PDE4C: variants seen among roughly 807,000 people sequenced by gnomAD.
PDE4C encodes the protein 3',5'-cyclic-AMP phosphodiesterase 4C.
PDE4C carries 50 observed loss-of-function variants against 63.9 expected under a neutral mutation model. The observed-to-expected ratio is 0.78, with a 90% confidence interval of 0.62 to 0.99. The LOEUF is 0.99. Ranked by LOEUF, PDE4C falls within the 50% of genes least tolerant of loss-of-function variation. The pLI, the probability that PDE4C is intolerant of heterozygous loss-of-function variation, is 0.00. For synonymous variants in PDE4C, 377 were observed against 385.1 expected (o/e 0.98, Z 0.25); for missense variants, 777 against 899.1 (o/e 0.86, Z 1.74).
upstream of PDE4C, chr19:18,249,835 A>C: frequency 3.4e-6 from 1 of 298,488 alleles, no homozygotes; most frequent in East Asian, 5.5e-5. Flanking sequence ...GGCCTCCCAA[A>C]GTGCTGGGAT....
At chr19:18,250,460 G>A (rs542054082), upstream of PDE4C, 2 of 399,100 alleles carry the variant, frequency 5.0e-6, no homozygotes, top group South Asian at 2.5e-4. Context: ...ACGGGGCCCA[G>A]TGTCACCTGG....
At chr19:18,245,100 G>A (rs929348193) in intron 1 of PDE4C, among the ~76,000 whole-genome samples, 3 of 152,076 alleles carry the variant, frequency 2.0e-5, no homozygotes, top group Non-Finnish European at 2.9e-5. Context: ...CTCCCAAAGT[G>A]CTGGGATTAC....
upstream of PDE4C, among the ~76,000 whole-genome samples, chr19:18,226,805 T>C (rs933879281): frequency 9.2e-5 from 14 of 151,762 alleles, no homozygotes; most frequent in African/African-American, 3.4e-4. Context: ...GGTGTCTCTT[T>C]ATGTTGCCCA....
upstream of PDE4C, among the ~76,000 whole-genome samples, chr19:18,234,499 A>G (rs1046528689): frequency 6.6e-6 from 1 of 152,162 alleles, no homozygotes. Context: ...ATCATGGTTA[A>G]CTGAAGTAGG....
intron 13 of PDE4C, 44 bp downstream of exon 13, chr19:18,213,324 C>G (rs1447484024): frequency 6.6e-7 from 1 of 1,524,976 alleles, no homozygotes; most frequent in Admixed American, 2.2e-5. Context: ...TAAAGTAAAA[C>G]CAAAATTTAA....
intron 1 of PDE4C, among the ~76,000 whole-genome samples, chr19:18,242,922 G>C (rs1969069014): frequency 6.6e-6 from 1 of 152,136 alleles, no homozygotes; most frequent in Admixed American, 6.6e-5. Flanking sequence ...TCTACTTGGG[G>C]ATCACAGGAA....
Position 18,221,049 on chromosome 19 carries a change from T to TCCGCAAGGCCCCGCCCCACC in PDE4C, c.449+55_449+56insGGTGGGGCGGGGCCTTGCGG, listed in dbSNP as rs1555824198. The TCCGCAAGGCCCCGCCCCACC allele has an allele frequency of 4.9e-5, 61 of 1,241,120 alleles. No homozygotes were observed. In the African/African-American group the frequency reaches 7.5e-4, roughly 15 times the overall value. The allele number at this position is 1,241,120 out of a possible 1,614,324, so 76.9% of individuals were successfully genotyped here. ...CCCAGCCTCAATTTGCAGCCCGCTTTCCGCCCACCTTGTCTCTGCCGGCCC... is the reference window on the plus strand; with the variant it reads ...CCCAGCCTCAATTTGCAGCCCGCTTTCCGCAAGGCCCCGCCCCACCCCGCCCACCTTGTCTCTGCCGGCCC... On this transcript the variant is annotated intron_variant, in intron 4 of 14. Transcript: ENST00000262805.
At chr19:18,222,347 A>G in intron 1 of PDE4C, 24 bp from the exon 2 acceptor site, 1 of 1,597,032 alleles carries the variant, frequency 6.3e-7, no homozygotes, top group Non-Finnish European at 8.5e-7. Flanking sequence ...CGGCATGGTC[A>G]GAGACGAGGG....
chr19:18,253,641 A>G, the PDE4C span, among the ~76,000 whole-genome samples: 1 of 152,180 alleles, frequency 6.6e-6, no homozygotes, highest in Non-Finnish European at 1.5e-5. Context: ...ATGAGCTCAG[A>G]GAGGATCAGC....
At chr19:18,237,434 C>G (rs961222552), upstream of PDE4C, among the ~76,000 whole-genome samples, 1 of 152,110 alleles carries the variant, frequency 6.6e-6, no homozygotes, top group Non-Finnish European at 1.5e-5. Flanking sequence ...GCCTGTAATT[C>G]CAGCTACTCG....
intron 12 of PDE4C, among the ~76,000 whole-genome samples, chr19:18,215,381 G>A (rs7245576): frequency 2.0e-5 from 3 of 151,750 alleles, no homozygotes; most frequent in East Asian, 1.9e-4. Context: ...CATAACGGCC[G>A]GAACTGTCTT....
chr19:18,253,759 C>T, the PDE4C span, among the ~76,000 whole-genome samples: 3 of 152,204 alleles, frequency 2.0e-5, no homozygotes, highest in Non-Finnish European at 4.4e-5. Flanking sequence ...CGTGTTGGTC[C>T]AGCTACTTCC....
At chr19:18,236,004 G>A (rs2081825627), upstream of PDE4C, among the ~76,000 whole-genome samples, 2 of 151,778 alleles carry the variant, frequency 1.3e-5, no homozygotes, top group Non-Finnish European at 2.9e-5. Context: ...GTGCAGTGGT[G>A]TGATCTCAGC....
chr19:18,213,609 C>T, intron 12 of PDE4C, 119 bp from the exon 13 acceptor site: 1 of 1,113,414 alleles, frequency 9.0e-7, no homozygotes, highest in South Asian at 1.7e-5. Context: ...GCATACTCAT[C>T]TGTGAAATGG....
At chr19:18,235,009 A>C (rs1054333436), upstream of PDE4C, among the ~76,000 whole-genome samples, 1 of 152,014 alleles carries the variant, frequency 6.6e-6, no homozygotes, top group Non-Finnish European at 1.5e-5. Context: ...TCTTTTTTTA[A>C]AATATTCTGG....
exon 9 of PDE4C, chr19:18,218,941 T>A: frequency 6.2e-7 from 1 of 1,611,460 alleles, no homozygotes; most frequent in Non-Finnish European, 8.5e-7. Context: ...GGTAGGTACC[T>A]GAAAAATGCT....
upstream of PDE4C, chr19:18,250,602 C>T (rs1240070651): frequency 2.5e-6 from 1 of 396,084 alleles, no homozygotes; most frequent in East Asian, 3.6e-5. Context: ...GTTGAGGCTG[C>T]CACTTTTTAA....
chr19:18,241,524 C>T (rs1298033040), intron 1 of PDE4C, among the ~76,000 whole-genome samples: 3 of 152,076 alleles, frequency 2.0e-5, no homozygotes, highest in South Asian at 4.2e-4. Context: ...GCCTCGGCCT[C>T]CCAAAGTGCT....
At chr19:18,250,357 A>T (rs1449097649), upstream of PDE4C, 3 of 399,000 alleles carry the variant, frequency 7.5e-6, no homozygotes, top group Non-Finnish European at 1.3e-5. Flanking sequence ...CATTCCGGTG[A>T]CAGAATCTCA....
Sources: gnomAD v4.1 joint callset for allele counts (sites outside exome capture counted in the v4.1 genomes callset) on GRCh38, gnomAD v4.1.1 for gene constraint, MANE v1.5 for transcripts, NCBI Gene and HGNC (gene_info 2026-07-23, HGNC 2026-07-21) for gene names.